The following ICMT variants were observed in gnomAD, a reference collection of about 807,000 sequenced individuals.
The protein encoded by ICMT is protein-S-isoprenylcysteine O-methyltransferase.
In ICMT, 10 loss-of-function variants were observed where a neutral mutation model predicts 32.2. The ratio of observed to expected loss-of-function variants is 0.31; its 90% CI spans 0.19 to 0.53. ICMT has a LOEUF of 0.53. Ranked by LOEUF, ICMT falls within the 20% of genes least tolerant of loss-of-function variation. The pLI is 0.96. For missense variants in ICMT, 265 were observed against 356.9 expected (o/e 0.74, Z 2.07); for synonymous variants, 183 against 158.2 (o/e 1.16, Z -1.18).
At chr1:6,225,916 G>C (rs116114003) in intron 4 of ICMT, among the ~76,000 whole-genome samples, 51 of 151,198 alleles carry the variant, frequency 3.4e-4, no homozygotes, top group Non-Finnish European at 1.2e-4. Context: ...GTGCAGTGGC[G>C]TGATCATGGC....
In ICMT at chr1:6,222,971, G is replaced by A. The variant is rs1447973645; in HGVS notation, c.*2109C>T. On this transcript the variant is annotated 3_prime_UTR_variant, in exon 5 of 5. Coordinates refer to ENST00000343813, the MANE Select transcript of ICMT (RefSeq NM_012405.4). ...GATTCAACTCAAGTTCCTAAACAGA[G>A]TAAGTGCCAGTTGATGTCCCACCGT... 1 of 152,268 alleles carries A rather than the reference G, an allele frequency of 6.6e-6. No homozygotes were observed. The highest frequency in any genetic ancestry group is 2.4e-5 in the African/African-American group (1 of 41,462). The allele number at this position is 152,268 out of a possible 1,614,324, so 9.4% of individuals were successfully genotyped here.
chr1:6,226,393 C>CA (rs1231122254), intron 4 of ICMT, among the ~76,000 whole-genome samples: 70 of 151,818 alleles, frequency 4.6e-4, no homozygotes, highest in Admixed American at 3.0e-3. Flanking sequence ...AACTCCCTCT[C>CA]AAAAAAAACA....
Position 6,235,857 on chromosome 1 carries a change from C to A in ICMT, c.55G>T (p.Ala19Ser), listed in dbSNP as rs988984411. 1.6e-6 allele frequency: 2 copies of A among 1,241,420 alleles called. No homozygotes were observed. Among genetic ancestry groups the A allele is most frequent in the Non-Finnish European group, 1.0e-6 (1 of 984,938 alleles). 76.9% of individuals were successfully genotyped at this position (1,241,420 alleles called of 1,614,324 possible). A position where few individuals can be genotyped will look rare whatever the true frequency, so the allele number is the denominator to read the frequency against. Residue 19 changes from alanine to serine, a missense_variant, in exon 1 of 5, where the codon GCC (alanine) becomes TCC (serine). Ala to Ser is a moderately conservative substitution (Grantham distance 99, BLOSUM62 1). Coordinates refer to ENST00000343813, the MANE Select transcript of ICMT (RefSeq NM_012405.4). ...ACCGAGGCGCCCAGCAGGAAGGTGG[C>A]GAGGCTGAGACGCGCCTCAGAGCCC... ...PPGSEARLSL[A>S]TFLLGASVLA...
chr1:6,226,142 T>C (rs926418359), intron 4 of ICMT, among the ~76,000 whole-genome samples: 4 of 152,132 alleles, frequency 2.6e-5, no homozygotes, highest in Admixed American at 6.6e-5. Flanking sequence ...TGTCTGTTAA[T>C]TGCAGTACTT....
chr1:6,229,823 CAT>C (rs111728715), intron 4 of ICMT, among the ~76,000 whole-genome samples: 42 of 137,378 alleles, frequency 3.1e-4, no homozygotes, highest in South Asian at 4.6e-4. Flanking sequence ...CACACACACA[CAT>C]AGAGCAGGTG....
chr1:6,235,953 G>C lies in ICMT; in HGVS notation c.-42C>G. On this transcript the variant is annotated 5_prime_UTR_variant, in exon 1 of 5. Coordinates refer to ENST00000343813, the MANE Select transcript of ICMT (RefSeq NM_012405.4). ...CTAGCGGGCGGCGGCGCCGGCTGTA[G>C]CCCGGAGAAACGCGCCGGCTGCGCC... is the stretch of plus-strand genomic sequence containing the variant. 2 of 1,048,868 alleles carry C rather than the reference G, an allele frequency of 1.9e-6. No individual in the cohort carries two copies. Among genetic ancestry groups the C allele is most frequent in the South Asian group, 9.0e-5 (2 of 22,102 alleles). 65.0% of individuals were successfully genotyped at this position (1,048,868 alleles called of 1,614,324 possible).
chr1:6,232,389 G>C (rs1015438337), intron 3 of ICMT, among the ~76,000 whole-genome samples: 1 of 152,142 alleles, frequency 6.6e-6, no homozygotes, highest in Non-Finnish European at 1.5e-5. Flanking sequence ...GGGCTCTCTG[G>C]TTCACGACCC....
rs900813823 is a variant in ICMT at position 6,223,431 on chromosome 1, A to G, written c.*1649T>C. 3 of 152,290 alleles carry G rather than the reference A, an allele frequency of 2.0e-5. No homozygotes were observed. The highest frequency in any genetic ancestry group is 2.9e-5 in the Non-Finnish European group (2 of 68,032). The allele number at this position is 152,290 out of a possible 1,614,324, so 9.4% of individuals were successfully genotyped here. On this transcript the variant is annotated 3_prime_UTR_variant, in exon 5 of 5. Transcript: ENST00000343813. ...CGTCTGTCTGGTTTTCAAACCAATC[A>G]ATGAACCCGTAAGCCTCTTTGGTAT...
rs1199843955 is a variant in ICMT, at chr1:6,225,110, AGGCAGGCCCGTG to A, written c.813_824del (p.Thr272_Pro275del). On this transcript the variant is annotated inframe_deletion, in exon 5 of 5. Transcript: ENST00000343813. ...GGTCCACCTTGACCCCCTTTATGAAAGGCAGGCCCGTGGGCACCCTCTTCTTATACTCCAGGT... is the reference window on the plus strand; with the variant it reads ...GGTCCACCTTGACCCCCTTTATGAAAGGCACCCTCTTCTTATACTCCAGGT... 6.2e-7 allele frequency: 1 copy of A among 1,613,818 alleles called. No individual in the cohort carries two copies. The highest frequency in any genetic ancestry group is 8.5e-7 in the Non-Finnish European group (1 of 1,179,850).
chr1:6,233,503 T>C lies in ICMT; in HGVS notation c.425A>G (p.Glu142Gly). 1 of 1,613,972 alleles carries C rather than the reference T, an allele frequency of 6.2e-7. No individual in the cohort carries two copies. The highest frequency in any genetic ancestry group is 8.5e-7 in the Non-Finnish European group (1 of 1,179,984). The change falls in exon 3 of 5, where the codon GAG (glutamate) becomes GGG (glycine). Residue 142 changes from glutamate to glycine, a missense_variant. Coordinates refer to ENST00000343813, the MANE Select transcript of ICMT (RefSeq NM_012405.4). ...YTVAALSSWL[E>G]FTLENIFWPE... is the part of the protein sequence containing the mutation. ...CCAAAAGATATTTTCAAGTGTGAAC[T>C]CTAACCAAGAAGAAAGAGCAGCTAC...
At chr1:6,232,354 G>C (rs1668750684) in intron 3 of ICMT, among the ~76,000 whole-genome samples, 2 of 152,192 alleles carry the variant, frequency 1.3e-5, no homozygotes. Context: ...TCATGGTAAA[G>C]AGATGCTCTC....
At chr1:6,234,478 C>A in intron 2 of ICMT, 1 of 494,946 alleles carries the variant, frequency 2.0e-6, no homozygotes, top group East Asian at 5.8e-5. Context: ...AGGGAAAAAT[C>A]CTACAGTGGC....
At position 6,235,925 on chromosome 1, in the gene ICMT, G is replaced by A. The variant is rs1279150150; in HGVS notation, c.-14C>T. 2 of 1,059,022 alleles carry A rather than the reference G, an allele frequency of 1.9e-6. No homozygotes were observed. Among genetic ancestry groups the A allele is most frequent in the Non-Finnish European group, 2.3e-6 (2 of 878,804 alleles). 65.6% of individuals were successfully genotyped at this position (1,059,022 alleles called of 1,614,324 possible). The stretch of plus-strand genomic sequence containing the variant: ...GCAGCCCGCCATGGCGCCGGGCGGC[G>A]GACTAGCGGGCGGCGGCGCCGGCTG... On this transcript the variant is annotated 5_prime_UTR_variant, in exon 1 of 5. Coordinates refer to ENST00000343813, the MANE Select transcript of ICMT (RefSeq NM_012405.4).
Position 6,225,058 on chromosome 1 carries a change from A to G in ICMT, c.*22T>C, listed in dbSNP as rs1321875059. 6.2e-7 allele frequency: 1 copy of G among 1,602,140 alleles called. No homozygotes were observed. Among genetic ancestry groups the G allele is most frequent in the South Asian group, 1.1e-5 (1 of 89,766 alleles). On this transcript the variant is annotated 3_prime_UTR_variant, in exon 5 of 5. Transcript: ENST00000343813. ...AGGCTGCACAGGGTCGGAGGCCCCA[A>G]GGTCACCGGGGCCACTGCCCGTCAC...
chr1:6,229,620 C>A (rs907784845), intron 4 of ICMT, among the ~76,000 whole-genome samples: 2 of 151,994 alleles, frequency 1.3e-5, no homozygotes, highest in African/African-American at 4.8e-5. Flanking sequence ...GATTGTGACA[C>A]CGCACTCCAG....
intron 4 of ICMT, among the ~76,000 whole-genome samples, chr1:6,225,470 TGA>T (rs1241044192): frequency 6.6e-6 from 1 of 152,164 alleles, no homozygotes; most frequent in Non-Finnish European, 1.5e-5. Context: ...TCCTCTTACA[TGA>T]GAGAGATCTG....
At chr1:6,230,863 TG>T (rs1168917767) in intron 4 of ICMT, among the ~76,000 whole-genome samples, 1 of 141,238 alleles carries the variant, frequency 7.1e-6, no homozygotes, top group African/African-American at 2.7e-5. Flanking sequence ...CACTCCAGCC[TG>T]GGCAACAGGG....
Position 6,226,516 on chromosome 1 carries a change from T to G in ICMT, c.673-1254A>C, listed in dbSNP as rs549976337. 2.6e-4 allele frequency among the ~76,000 whole-genome samples: 40 copies of G among 152,276 alleles called. 1 individual carries two copies. The highest frequency in any genetic ancestry group is 1.1e-3 in the Admixed American group (17 of 15,292). On this transcript the variant is annotated intron_variant, in intron 4 of 4. Coordinates refer to ENST00000343813, the MANE Select transcript of ICMT (RefSeq NM_012405.4). ...CCTGCCCACTGGTCCCCTGTGGATG[T>G]GCATCTTCCCCAACATACATTTTCT...
Position 6,235,861 on chromosome 1 carries a change from G to T in ICMT, c.51C>A (p.Ser17Arg). The T allele has an allele frequency of 8.2e-7, 1 of 1,215,536 alleles. No individual in the cohort carries two copies. 75.3% of individuals were successfully genotyped at this position (1,215,536 alleles called of 1,614,324 possible). A position where few individuals can be genotyped will look rare whatever the true frequency, so the allele number is the denominator to read the frequency against. The change falls in exon 1 of 5, where the codon AGC becomes AGA. Residue 17 changes from serine to arginine, a missense_variant. Transcript: ENST00000343813. The stretch of plus-strand genomic sequence containing the variant: ...AGGCGCCCAGCAGGAAGGTGGCGAG[G>T]CTGAGACGCGCCTCAGAGCCCGGCG... ...RAPPGSEARL[S>R]LATFLLGASV...
Sources: allele counts gnomAD v4.1 joint callset (sites outside exome capture counted in the v4.1 genomes callset), GRCh38; gene constraint gnomAD v4.1.1; transcripts MANE v1.5; gene names NCBI Gene and HGNC (gene_info 2026-07-23, HGNC 2026-07-21).